The following SLC30A8 variants were observed in gnomAD, a reference collection of about 807,000 sequenced individuals.
The protein encoded by SLC30A8 is solute carrier family 30 member 8.
Under a neutral mutation model 36.9 loss-of-function variants are expected in SLC30A8, and 27 were observed. The observed-to-expected ratio is 0.73, with a 90% CI of 0.54 to 1.01. The LOEUF is 1.01. SLC30A8 is among the 50% of genes least tolerant of loss of function. SLC30A8 has a pLI of 0.00. For synonymous variants in SLC30A8, 164 were observed against 172.4 expected, an observed-to-expected ratio of 0.95 and a Z score of 0.38; for missense variants, 439 against 452.0, an observed-to-expected ratio of 0.97 and a Z score of 0.26.
At chr8:117,061,449 C>T (rs1006396505) in intron 2 of SLC30A8, among the ~76,000 whole-genome samples, 1 of 152,196 alleles carries the variant, frequency 6.6e-6, no homozygotes, top group Non-Finnish European at 1.5e-5. Context: ...TTATCTTTAC[C>T]TTGAAAATGA....
chr8:117,141,158 C>T (rs553735669), intron 1 of SLC30A8, among the ~76,000 whole-genome samples: 5 of 152,130 alleles, frequency 3.3e-5, no homozygotes, highest in African/African-American at 7.2e-5. Flanking sequence ...GGTGTAAATA[C>T]ACTTCCCAAC....
intron 1 of SLC30A8, among the ~76,000 whole-genome samples, chr8:117,025,222 A>G (rs985483944): frequency 6.6e-5 from 10 of 152,200 alleles, no homozygotes; most frequent in African/African-American, 2.2e-4. Context: ...CACTAGCTCC[A>G]TAAGTTGTCG....
intron 2 of SLC30A8, among the ~76,000 whole-genome samples, chr8:117,074,257 A>G (rs1586471678): frequency 6.6e-6 from 1 of 152,208 alleles, no homozygotes; most frequent in East Asian, 1.9e-4. Flanking sequence ...GCGCAGTATT[A>G]TAAGCCTCAT....
At chr8:117,030,623 C>T (rs1817015178) in intron 1 of SLC30A8, among the ~76,000 whole-genome samples, 1 of 152,124 alleles carries the variant, frequency 6.6e-6, no homozygotes, top group Admixed American at 6.5e-5. Context: ...GAAGCCATGT[C>T]AGAATTATCT....
chr8:117,165,880 T>A (rs1823030817), intron 6 of SLC30A8, among the ~76,000 whole-genome samples: 1 of 152,072 alleles, frequency 6.6e-6, no homozygotes, highest in Non-Finnish European at 1.5e-5. Flanking sequence ...AGCCAGGAAA[T>A]GAAAGTTAAA....
chr8:117,119,238 A>T (rs1820583792), intron 2 of SLC30A8, among the ~76,000 whole-genome samples: 1 of 151,618 alleles, frequency 6.6e-6, no homozygotes, highest in Non-Finnish European at 1.5e-5. Context: ...TCCCAAAGCA[A>T]CTCCCAGCTT....
At chr8:117,014,589 T>C (rs1816450074) in intron 1 of SLC30A8, among the ~76,000 whole-genome samples, 1 of 152,168 alleles carries the variant, frequency 6.6e-6, no homozygotes, top group Non-Finnish European at 1.5e-5. Flanking sequence ...TGTGAGAGGA[T>C]AGGTTGCAAA....
chr8:117,069,144 T>TA (rs1319785056), intron 2 of SLC30A8, among the ~76,000 whole-genome samples: 4 of 152,128 alleles, frequency 2.6e-5, no homozygotes, highest in Non-Finnish European at 5.9e-5. Flanking sequence ...AACTCATTAT[T>TA]AAAAAAACAA....
intron 2 of SLC30A8, among the ~76,000 whole-genome samples, chr8:117,115,761 C>T (rs1351830754): frequency 1.3e-5 from 2 of 151,900 alleles, no homozygotes; most frequent in African/African-American, 2.4e-5. Flanking sequence ...GGGAAGGGCT[C>T]ATTGAGGCTG....
At chr8:116,959,990 C>T (rs1380518264) in intron 1 of SLC30A8, among the ~76,000 whole-genome samples, 2 of 152,232 alleles carry the variant, frequency 1.3e-5, no homozygotes, top group East Asian at 1.9e-4. Flanking sequence ...ATCTCTTCAA[C>T]TCAGAGAGCT....
intron 2 of SLC30A8, among the ~76,000 whole-genome samples, chr8:117,087,696 T>A (rs1242873250): frequency 6.6e-6 from 1 of 152,180 alleles, no homozygotes; most frequent in African/African-American, 2.4e-5. Flanking sequence ...TCTTAGCAAC[T>A]GATGATACTT....
At chr8:117,118,422 A>AGAT (rs1820546297) in intron 2 of SLC30A8, among the ~76,000 whole-genome samples, 1 of 152,018 alleles carries the variant, frequency 6.6e-6, no homozygotes, top group Non-Finnish European at 1.5e-5. Flanking sequence ...TTGGAAGCAC[A>AGAT]GATGACTGAT....
intron 1 of SLC30A8, among the ~76,000 whole-genome samples, chr8:117,015,129 A>G (rs1422407331): frequency 6.6e-6 from 1 of 151,992 alleles, no homozygotes; most frequent in Non-Finnish European, 1.5e-5. Flanking sequence ...CTTATAGGAA[A>G]CTGCGTGGCA....
At chr8:116,979,741 G>A (rs1040070377) in intron 1 of SLC30A8, among the ~76,000 whole-genome samples, 1 of 152,240 alleles carries the variant, frequency 6.6e-6, no homozygotes, top group Admixed American at 6.5e-5. Context: ...CCCTAAGAGG[G>A]CCCCTGAAAT....
intron 1 of SLC30A8, among the ~76,000 whole-genome samples, chr8:117,140,212 GAAAAT>G (rs1194182985): frequency 6.6e-6 from 1 of 151,784 alleles, no homozygotes; most frequent in Non-Finnish European, 1.5e-5. Context: ...GAAAAACAGA[GAAAAT>G]AGAATGAAGT....
chr8:117,128,099 G>A (rs1820981539), intron 2 of SLC30A8, among the ~76,000 whole-genome samples: 2 of 152,018 alleles, frequency 1.3e-5, no homozygotes, highest in African/African-American at 2.4e-5. Flanking sequence ...GTTGGGTTGA[G>A]CAATTACCTG....
At chr8:117,062,026 C>T (rs780206514) in intron 2 of SLC30A8, among the ~76,000 whole-genome samples, 1 of 152,166 alleles carries the variant, frequency 6.6e-6, no homozygotes, top group Non-Finnish European at 1.5e-5. Context: ...TGCTTTTCCC[C>T]ACATGTTTGA....
At chr8:117,081,687 A>G (rs570050930) in intron 2 of SLC30A8, among the ~76,000 whole-genome samples, 33 of 152,184 alleles carry the variant, frequency 2.2e-4, no homozygotes, top group Non-Finnish European at 4.4e-4. Context: ...CCCATTAATT[A>G]CTGCCACAAG....
chr8:117,133,749 T>A (rs1821233479), upstream of SLC30A8, among the ~76,000 whole-genome samples: 2 of 151,988 alleles, frequency 1.3e-5, no homozygotes, highest in African/African-American at 4.8e-5. Context: ...TACTTTCGCC[T>A]CCACAGAATA....
Sources: gnomAD v4.1 joint callset for allele counts (sites outside exome capture counted in the v4.1 genomes callset) on GRCh38, gnomAD v4.1.1 for gene constraint, MANE v1.5 for transcripts, NCBI Gene and HGNC (gene_info 2026-07-23, HGNC 2026-07-21) for gene names.